Variants in KCNIP1 observed in about 807,000 individuals in gnomAD.
KCNIP1 encodes A-type potassium channel modulatory protein KCNIP1.
Under a neutral mutation model 33.0 loss-of-function variants are expected in KCNIP1, and 18 were observed. That is an observed-to-expected ratio of 0.55 (90% CI 0.38 to 0.81). The LOEUF (loss-of-function observed/expected upper bound fraction) is 0.81, where lower values mean the gene tolerates loss of function less well. Ranked by LOEUF, KCNIP1 falls within the 30% of genes least tolerant of loss-of-function variation. The pLI is 0.00. For synonymous variants in KCNIP1, 93 were observed against 98.3 expected (o/e 0.95, Z 0.32); for missense variants, 238 against 271.6 (o/e 0.88, Z 0.87).
intron 1 of KCNIP1, among the ~76,000 whole-genome samples, chr5:170,476,469 T>G (rs746748277): frequency 1.3e-5 from 2 of 152,196 alleles, no homozygotes; most frequent in Non-Finnish European, 2.9e-5. Flanking sequence ...TCTGTTCCAA[T>G]CTCCCCCTTC....
chr5:170,465,454 G>A (rs527948262), intron 1 of KCNIP1, among the ~76,000 whole-genome samples: 3 of 152,280 alleles, frequency 2.0e-5, no homozygotes, highest in South Asian at 4.1e-4. Flanking sequence ...GGGAACCAAG[G>A]GATGTGAAGG....
chr5:170,722,316 A>G (rs1371850316), intron 4 of KCNIP1, among the ~76,000 whole-genome samples: 2 of 152,138 alleles, frequency 1.3e-5, no homozygotes, highest in East Asian at 1.9e-4. Context: ...GAGCACATAA[A>G]TGATAAAGGA....
Position 170,722,728 on chromosome 5 carries a change from C to G in KCNIP1, c.343C>G (p.Leu115Val), listed in dbSNP as rs1043841580. 4 of 1,613,132 alleles carry G rather than the reference C, an allele frequency of 2.5e-6. No homozygotes were observed. Among genetic ancestry groups the G allele is most frequent in the Non-Finnish European group, 2.5e-6 (3 of 1,179,126 alleles). Residue 115 changes from leucine (L) to valine (V), a missense_variant, in exon 5 of 8, where the codon CTG becomes GTG. Physicochemically the swap from Leu to Val is conservative, Grantham distance 32 (BLOSUM62 1). Coordinates refer to ENST00000328939, the MANE Select transcript of KCNIP1 (RefSeq NM_014592.4). Reference sequence around the variant, plus strand: ...CCCTTCTCAGGACTTTGTAACCGCTCTGTCGATTTTATTGAGAGGAACTGT... The same window carrying G: ...CCCTTCTCAGGACTTTGTAACCGCTGTGTCGATTTTATTGAGAGGAACTGT... Reference protein sequence around the residue: ...SVKFEDFVTALSILLRGTVHE... With the variant: ...SVKFEDFVTAVSILLRGTVHE...
At chr5:170,418,006 A>G (rs114616141) in intron 1 of KCNIP1, among the ~76,000 whole-genome samples, 2,825 of 152,274 alleles carry the variant, frequency 0.019, 46 homozygotes, top group African/African-American at 0.037. Flanking sequence ...TCTCTCTTCC[A>G]TGAGCACCAC....
At chr5:170,471,974 G>A (rs900625038) in intron 1 of KCNIP1, among the ~76,000 whole-genome samples, 1 of 152,212 alleles carries the variant, frequency 6.6e-6, no homozygotes, top group African/African-American at 2.4e-5. Context: ...AGGCTATGGG[G>A]TGGAAGTGTC....
chr5:170,692,224 A>T (rs1307026786), intron 1 of KCNIP1, among the ~76,000 whole-genome samples: 1 of 152,130 alleles, frequency 6.6e-6, no homozygotes, highest in African/African-American at 2.4e-5. Context: ...ATGGCATTTT[A>T]TCCTAAGGTA....
chr5:170,451,858 A>T (rs1756263130), intron 1 of KCNIP1, among the ~76,000 whole-genome samples: 2 of 151,956 alleles, frequency 1.3e-5, no homozygotes, highest in South Asian at 4.1e-4. Flanking sequence ...ATATTCCTTG[A>T]GAAAAAGAAT....
At chr5:170,585,361 T>C (rs1255437736) in intron 1 of KCNIP1, among the ~76,000 whole-genome samples, 2 of 152,122 alleles carry the variant, frequency 1.3e-5, no homozygotes, top group Non-Finnish European at 2.9e-5. Context: ...AGCCGGGACT[T>C]GAACCCTACA....
intron 1 of KCNIP1, among the ~76,000 whole-genome samples, chr5:170,573,622 T>C (rs1200258409): frequency 6.6e-6 from 1 of 152,178 alleles, no homozygotes; most frequent in Non-Finnish European, 1.5e-5. Flanking sequence ...AAGAATGGCT[T>C]CATGGTCTTA....
intron 1 of KCNIP1, among the ~76,000 whole-genome samples, chr5:170,649,823 G>C (rs1458369353): frequency 6.6e-6 from 1 of 152,214 alleles, no homozygotes; most frequent in Non-Finnish European, 1.5e-5. Context: ...GAGGCAAGGT[G>C]ATGTCTTGTC....
chr5:170,357,916 T>C (rs1763390538), intron 1 of KCNIP1, among the ~76,000 whole-genome samples: 1 of 152,182 alleles, frequency 6.6e-6, no homozygotes, highest in Non-Finnish European at 1.5e-5. Flanking sequence ...TGATTCCTTA[T>C]TAGGAGTTAA....
At chr5:170,620,752 T>C (rs1413962837) in intron 1 of KCNIP1, among the ~76,000 whole-genome samples, 2 of 152,190 alleles carry the variant, frequency 1.3e-5, no homozygotes, top group East Asian at 3.9e-4. Flanking sequence ...CCAAATCCAC[T>C]GGGAGCATGT....
chr5:170,726,745 CAAAAAA>C (rs57173351), intron 5 of KCNIP1, among the ~76,000 whole-genome samples: 16 of 56,686 alleles, frequency 2.8e-4, no homozygotes, highest in Non-Finnish European at 5.1e-4. Flanking sequence ...ACTAAAAATA[CAAAAAA>C]AAAAAAAAAA....
chr5:170,408,584 C>A (rs2113400199), intron 1 of KCNIP1, among the ~76,000 whole-genome samples: 1 of 152,262 alleles, frequency 6.6e-6, no homozygotes, highest in Admixed American at 6.5e-5. Flanking sequence ...AGGAAATTGT[C>A]CAATTCCAAA....
In KCNIP1 at chr5:170,453,215, C is replaced by T. The variant is rs532843266; in HGVS notation, c.88+99251C>T. ...AGCATTTGCTCTCAAAATGCATTTACGCTCAGCAGCCATTAAAAGGATATC... is the reference window on the plus strand; with the variant it reads ...AGCATTTGCTCTCAAAATGCATTTATGCTCAGCAGCCATTAAAAGGATATC... On this transcript the variant is annotated intron_variant, in intron 1 of 7. Coordinates refer to the KCNIP1 transcript ENST00000377360. Among the ~76,000 whole-genome samples the T allele has an allele frequency of 6.6e-5, 10 of 152,294 alleles. No homozygotes were observed. The South Asian group carries it at 1.2e-3, about 19-fold the overall frequency.
At position 170,721,921 on chromosome 5, in the gene KCNIP1, C is replaced by T. The variant is rs150171882; in HGVS notation, c.327+18C>T. 1.5e-5 allele frequency: 24 copies of T among 1,614,006 alleles called. No individual in the cohort carries two copies. The East Asian group carries it at 5.3e-4, about 36-fold the overall frequency. On this transcript the variant is annotated intron_variant, in intron 4 of 7. Transcript: ENST00000328939. ...AGTTCGAGGTACGCTCATCTGGGGT[C>T]CACTCTAGGGGTCCTCTGGTTCTGC...
chr5:170,560,810 C>T (rs116670887), intron 1 of KCNIP1, among the ~76,000 whole-genome samples: 1,887 of 152,172 alleles, frequency 0.012, 45 homozygotes, highest in African/African-American at 0.043. Context: ...TCTCTCACCT[C>T]CACCCTGGTT....
chr5:170,706,819 C>G (rs945570138), intron 1 of KCNIP1, among the ~76,000 whole-genome samples: 4 of 152,184 alleles, frequency 2.6e-5, no homozygotes, highest in Admixed American at 6.5e-5. Context: ...ATTGTCATTT[C>G]AGCTCCTCAG....
rs889881547 is a variant in KCNIP1, at chr5:170,735,986, C to T, written c.*180C>T. The T allele has an allele frequency of 1.4e-5, 8 of 578,100 alleles. No individual in the cohort carries two copies. Among genetic ancestry groups the T allele is most frequent in the Non-Finnish European group, 2.5e-5 (8 of 325,362 alleles). 35.8% of individuals were successfully genotyped at this position (578,100 alleles called of 1,614,324 possible). ...AACCCAGCATCATGTGGCTCAGTCT[C>T]TGATTGCCAACTCTTCCTCTTTCTT... On this transcript the variant is annotated 3_prime_UTR_variant, in exon 8 of 8. Coordinates refer to ENST00000328939, the MANE Select transcript of KCNIP1 (RefSeq NM_014592.4).
Sources: allele counts gnomAD v4.1 joint callset (sites outside exome capture counted in the v4.1 genomes callset), GRCh38; gene constraint gnomAD v4.1.1; transcripts MANE v1.5; gene names NCBI Gene and HGNC (gene_info 2026-07-23, HGNC 2026-07-21).